ZNF277: variants seen among roughly 807,000 people sequenced by gnomAD.
ZNF277 encodes the protein nuclear receptor-interacting factor 4.
A neutral mutation model predicts 60.7 loss-of-function variants in ZNF277; 55 were observed. That is an observed-to-expected ratio of 0.91 (90% confidence interval 0.73 to 1.13). The LOEUF (loss-of-function observed/expected upper bound fraction) is 1.13, where lower values mean the gene tolerates loss of function less well. Among genes scored for constraint, ZNF277 ranks in the 50% most tolerant of loss-of-function variants. The probability of loss-of-function intolerance (pLI) is 0.00; values close to 1 mark genes in which losing one functional copy is unlikely to be tolerated. For missense variants in ZNF277, 510 were observed against 523.0 expected, an observed-to-expected ratio of 0.98 and a Z score of 0.24; for synonymous variants, 178 against 179.3, an observed-to-expected ratio of 0.99 and a Z score of 0.06.
At chr7:112,322,360 T>C (rs1793003557) in intron 5 of ZNF277, among the ~76,000 whole-genome samples, 1 of 152,152 alleles carries the variant, frequency 6.6e-6, no homozygotes, top group Non-Finnish European at 1.5e-5. Context: ...TTTTTTGTTT[T>C]GTTTTTTTCT....
At chr7:112,318,707 A>G (rs368243004) in intron 5 of ZNF277, among the ~76,000 whole-genome samples, 2 of 152,044 alleles carry the variant, frequency 1.3e-5, no homozygotes, top group African/African-American at 2.4e-5. Context: ...GTGCAGTACA[A>G]TTCAATTCTG....
chr7:112,293,579 C>CA (rs35455828), intron 2 of ZNF277, among the ~76,000 whole-genome samples: 8,627 of 114,874 alleles, frequency 0.075, 301 homozygotes, highest in South Asian at 0.11. Flanking sequence ...GATCTTATCT[C>CA]AAAAAAAAAA....
intron 1 of ZNF277, among the ~76,000 whole-genome samples, chr7:112,259,564 G>A (rs778608661): frequency 1.4e-4 from 22 of 152,084 alleles, no homozygotes; most frequent in Non-Finnish European, 2.6e-4. Flanking sequence ...TCAGAGACAC[G>A]TCCAGTGACT....
intron 9 of ZNF277, among the ~76,000 whole-genome samples, chr7:112,339,053 G>A (rs1793389900): frequency 6.6e-6 from 1 of 152,186 alleles, no homozygotes; most frequent in Admixed American, 6.5e-5. Context: ...TTTATAGGAA[G>A]GTGTGAGTGA....
chr7:112,210,554 C>G (rs535788874), intron 1 of ZNF277, among the ~76,000 whole-genome samples: 1 of 151,388 alleles, frequency 6.6e-6, no homozygotes, highest in African/African-American at 2.4e-5. Flanking sequence ...TCACTGCAAC[C>G]TCCGCCTCCC....
At position 112,340,080 on chromosome 7, in the gene ZNF277, A is replaced by G. The variant is rs113730100; in HGVS notation, c.1009+195A>G. On this transcript the variant is annotated intron_variant, in intron 10 of 11. Transcript: ENST00000361822. Reference sequence around the variant, plus strand: ...AGTCAAATATGGTTTTTGGTTTCATATACTCCTTCTTTCTCTTTCCTACAT... The same window carrying G: ...AGTCAAATATGGTTTTTGGTTTCATGTACTCCTTCTTTCTCTTTCCTACAT... Among the ~76,000 whole-genome samples, 240 of 152,306 alleles carry G rather than the reference A, an allele frequency of 1.6e-3. 1 individual carries two copies. Among genetic ancestry groups the G allele is most frequent in the African/African-American group, 5.4e-3 (226 of 41,566 alleles).
chr7:112,206,843 C>T lies in ZNF277; in HGVS notation c.91+36C>T, dbSNP rs747328347. 3.8e-6 allele frequency: 6 copies of T among 1,596,270 alleles called. No individual in the cohort carries two copies. In the African/African-American group the frequency reaches 6.7e-5, roughly 18 times the overall value. ...TGCCCCGGAGGCGCGGCTGATGTGTCTTCCTTTCTCTATGACCGGGTGTGC... is the reference window on the plus strand; with the variant it reads ...TGCCCCGGAGGCGCGGCTGATGTGTTTTCCTTTCTCTATGACCGGGTGTGC... On this transcript the variant is annotated intron_variant, in intron 1 of 11. Coordinates refer to ENST00000361822, the MANE Select transcript of ZNF277 (RefSeq NM_021994.3).
chr7:112,269,477 A>G (rs1305727503), intron 1 of ZNF277, among the ~76,000 whole-genome samples: 3 of 152,096 alleles, frequency 2.0e-5, no homozygotes, highest in Non-Finnish European at 4.4e-5. Context: ...GTTTTGCAGG[A>G]AAAAAACACT....
At chr7:112,212,137 A>G (rs1203563783) in intron 1 of ZNF277, among the ~76,000 whole-genome samples, 2 of 152,246 alleles carry the variant, frequency 1.3e-5, no homozygotes, top group Middle Eastern at 3.2e-3. Flanking sequence ...TTTTTAAAAT[A>G]AAGTTTTAAT....
chr7:112,319,393 A>T (rs1305764708), intron 5 of ZNF277, among the ~76,000 whole-genome samples: 1 of 152,080 alleles, frequency 6.6e-6, no homozygotes, highest in Non-Finnish European at 1.5e-5. Context: ...AGACACATTT[A>T]TTATTACGCA....
intron 1 of ZNF277, among the ~76,000 whole-genome samples, chr7:112,264,306 A>G (rs1381108344): frequency 1.3e-5 from 2 of 152,162 alleles, no homozygotes; most frequent in East Asian, 3.9e-4. Context: ...TTTAGCCACA[A>G]CATAATATAT....
Position 112,338,188 on chromosome 7 carries a change from G to A in ZNF277, c.966+362G>A, listed in dbSNP as rs111590113. Among the ~76,000 whole-genome samples, 257 of 152,286 alleles carry A rather than the reference G, an allele frequency of 1.7e-3. 3 individuals are homozygous for A. The highest frequency in any genetic ancestry group is 5.4e-3 in the African/African-American group (226 of 41,554). On this transcript the variant is annotated intron_variant, in intron 9 of 11. Coordinates refer to ENST00000361822, the MANE Select transcript of ZNF277 (RefSeq NM_021994.3). ...GAACATTGCCATTTACAAAGGTCCC[G>A]GAGGAATAGGGAAAAAGGAGGGTGG... is the stretch of plus-strand genomic sequence containing the variant.
At chr7:112,259,686 G>A (rs1006420480) in intron 1 of ZNF277, among the ~76,000 whole-genome samples, 1 of 152,182 alleles carries the variant, frequency 6.6e-6, no homozygotes, top group Non-Finnish European at 1.5e-5. Flanking sequence ...GATTTTTAAT[G>A]TTCAAGGCTT....
intron 4 of ZNF277, among the ~76,000 whole-genome samples, chr7:112,312,426 A>C (rs1451684491): frequency 6.6e-6 from 1 of 152,040 alleles, no homozygotes; most frequent in Non-Finnish European, 1.5e-5. Context: ...AGCTATTTTA[A>C]ATTTACTGTT....
chr7:112,247,393 T>C (rs1791108965), intron 1 of ZNF277, among the ~76,000 whole-genome samples: 1 of 152,188 alleles, frequency 6.6e-6, no homozygotes, highest in Admixed American at 6.5e-5. Flanking sequence ...AATTTTGAGA[T>C]AGCAGATTGA....
chr7:112,322,703 T>A (rs766052005), intron 5 of ZNF277, among the ~76,000 whole-genome samples: 1 of 152,144 alleles, frequency 6.6e-6, no homozygotes, highest in African/African-American at 2.4e-5. Context: ...GTCTGGTGTG[T>A]CAACATCTGG....
chr7:112,312,925 G>A (rs955676054), intron 4 of ZNF277, among the ~76,000 whole-genome samples: 1 of 151,946 alleles, frequency 6.6e-6, no homozygotes, highest in Non-Finnish European at 1.5e-5. Context: ...AGACATAATA[G>A]TTACATATTT....
chr7:112,223,526 G>A (rs1452369832), intron 1 of ZNF277, among the ~76,000 whole-genome samples: 1 of 152,180 alleles, frequency 6.6e-6, no homozygotes, highest in African/African-American at 2.4e-5. Flanking sequence ...AAGTCCACAG[G>A]GAGACAGGGT....
chr7:112,227,293 T>TA (rs1227424083), intron 1 of ZNF277, among the ~76,000 whole-genome samples: 1 of 152,192 alleles, frequency 6.6e-6, no homozygotes, highest in East Asian at 1.9e-4. Context: ...TAAAGTTATG[T>TA]AAAAAGAAAA....
Sources: gnomAD v4.1 joint callset for allele counts (sites outside exome capture counted in the v4.1 genomes callset) on GRCh38, gnomAD v4.1.1 for gene constraint, MANE v1.5 for transcripts, NCBI Gene and HGNC (gene_info 2026-07-23, HGNC 2026-07-21) for gene names.